Variants in GHR observed in about 807,000 individuals in gnomAD.
The protein encoded by GHR is GH receptor.
A neutral mutation model predicts 67.1 loss-of-function variants in GHR; 35 were observed. The observed-to-expected ratio is 0.52, with a 90% CI of 0.40 to 0.69. The LOEUF (loss-of-function observed/expected upper bound fraction) is 0.69, where lower values mean the gene tolerates loss of function less well. GHR is among the 30% of genes least tolerant of loss of function. GHR has a pLI of 0.00. For missense variants in GHR, 792 were observed against 764.6 expected, an observed-to-expected ratio of 1.04 and a Z score of -0.42; for synonymous variants, 272 against 269.1, an observed-to-expected ratio of 1.01 and a Z score of -0.10.
chr5:42,645,602 T>C (rs1754690650), intron 3 of GHR, among the ~76,000 whole-genome samples: 1 of 152,246 alleles, frequency 6.6e-6, no homozygotes, highest in Admixed American at 6.5e-5. Flanking sequence ...CAAGCTTGTG[T>C]ATACAGGCCC....
chr5:42,658,236 A>T (rs1755363012), intron 3 of GHR, among the ~76,000 whole-genome samples: 1 of 152,218 alleles, frequency 6.6e-6, no homozygotes, highest in African/African-American at 2.4e-5. Context: ...GAAAATCCAA[A>T]TAAAACTGAA....
chr5:42,700,313 TA>T (rs1757873479), intron 6 of GHR, among the ~76,000 whole-genome samples: 1 of 152,166 alleles, frequency 6.6e-6, no homozygotes, highest in Admixed American at 6.5e-5. Flanking sequence ...GGGATGTGGA[TA>T]AAAATGGGAA....
intron 1 of GHR, among the ~76,000 whole-genome samples, chr5:42,450,364 A>T (rs1047829928): frequency 1.5e-4 from 23 of 152,094 alleles, no homozygotes; most frequent in African/African-American, 4.8e-4. Context: ...AGGGTTGTAT[A>T]TTTGCAGGAA....
At chr5:42,683,951 T>C (rs1757013386) in intron 3 of GHR, among the ~76,000 whole-genome samples, 1 of 151,720 alleles carries the variant, frequency 6.6e-6, no homozygotes, top group Non-Finnish European at 1.5e-5. Flanking sequence ...AGATTAGTTA[T>C]TTTTTCTTTT....
chr5:42,447,224 A>G (rs944548719), intron 1 of GHR, among the ~76,000 whole-genome samples: 1 of 152,108 alleles, frequency 6.6e-6, no homozygotes, highest in African/African-American at 2.4e-5. Context: ...GGTGATGTCT[A>G]AGATTGTGGT....
chr5:42,615,726 GAAAAAAACAAAAAACA>G (rs960774270), intron 2 of GHR, among the ~76,000 whole-genome samples: 1 of 127,308 alleles, frequency 7.9e-6, no homozygotes, highest in African/African-American at 3.4e-5. Flanking sequence ...TAGAAATTTG[GAAAAAAACAAAAAACA>G]AAAAAAAAAA....
chr5:42,463,992 CAAAAAAAAAA>C (rs70991406), intron 1 of GHR, among the ~76,000 whole-genome samples: 2 of 46,522 alleles, frequency 4.3e-5, no homozygotes, highest in Non-Finnish European at 7.3e-5. Flanking sequence ...GACTCCGTCT[CAAAAAAAAAA>C]AAAAAAAAAA....
intron 1 of GHR, among the ~76,000 whole-genome samples, chr5:42,480,736 C>G (rs1388769597): frequency 1.3e-5 from 2 of 152,136 alleles, no homozygotes; most frequent in Non-Finnish European, 2.9e-5. Context: ...TTTCCATTTG[C>G]TTGGTAGATC....
At chr5:42,688,785 T>G (rs1428383429) in intron 3 of GHR, 105 bp from the exon 4 acceptor site, 9 of 1,054,168 alleles carry the variant, frequency 8.5e-6, no homozygotes, top group Non-Finnish European at 1.3e-5. Flanking sequence ...CGGAATACAC[T>G]GGCTTCATCC....
chr5:42,601,313 A>G (rs1752367698), intron 2 of GHR, among the ~76,000 whole-genome samples: 1 of 151,736 alleles, frequency 6.6e-6, no homozygotes, highest in Non-Finnish European at 1.5e-5. Context: ...CAAACCTATA[A>G]CTCTATTTTG....
chr5:42,494,869 T>C (rs1052246546), intron 1 of GHR, among the ~76,000 whole-genome samples: 1 of 152,172 alleles, frequency 6.6e-6, no homozygotes, highest in African/African-American at 2.4e-5. Flanking sequence ...TAGTTCTTTT[T>C]GGTGAGCTAC....
At chr5:42,576,119 A>AAAAT (rs1554021439) in intron 2 of GHR, among the ~76,000 whole-genome samples, 3 of 102,582 alleles carry the variant, frequency 2.9e-5, no homozygotes, top group Non-Finnish European at 6.0e-5. Context: ...AAAATAAAAT[A>AAAAT]AAATAAAATA....
At chr5:42,461,658 A>T (rs1435000068) in intron 1 of GHR, among the ~76,000 whole-genome samples, 1 of 152,242 alleles carries the variant, frequency 6.6e-6, no homozygotes, top group Non-Finnish European at 1.5e-5. Flanking sequence ...TGGCTGTTTC[A>T]TAAATGTTTA....
chr5:42,585,705 A>G (rs1309220991), intron 2 of GHR, among the ~76,000 whole-genome samples: 1 of 152,198 alleles, frequency 6.6e-6, no homozygotes, highest in East Asian at 1.9e-4. Flanking sequence ...ATTCCAAGGA[A>G]TATTTTTATT....
chr5:42,619,223 T>C (rs1335759959), intron 2 of GHR, among the ~76,000 whole-genome samples: 3 of 152,002 alleles, frequency 2.0e-5, no homozygotes, highest in African/African-American at 7.2e-5. Context: ...AGTTCATAAG[T>C]TTATTTCCAG....
At chr5:42,561,512 T>G (rs1042730998) in intron 1 of GHR, among the ~76,000 whole-genome samples, 1 of 152,238 alleles carries the variant, frequency 6.6e-6, no homozygotes, top group Non-Finnish European at 1.5e-5. Flanking sequence ...CATGTGTTTA[T>G]GAACTGTTTT....
intron 2 of GHR, among the ~76,000 whole-genome samples, chr5:42,578,636 T>G (rs1460093026): frequency 6.6e-6 from 1 of 152,180 alleles, no homozygotes; most frequent in African/African-American, 2.4e-5. Context: ...TAACAGGAAT[T>G]ACCAATTAAC....
chr5:42,714,865 G>A (rs1321932788), intron 8 of GHR, among the ~76,000 whole-genome samples: 2 of 152,004 alleles, frequency 1.3e-5, no homozygotes, highest in Non-Finnish European at 2.9e-5. Flanking sequence ...TATATATTTG[G>A]TGGGAAAATT....
chr5:42,480,264 A>G (rs531379534), intron 1 of GHR, among the ~76,000 whole-genome samples: 26 of 152,204 alleles, frequency 1.7e-4, no homozygotes, highest in Non-Finnish European at 3.2e-4. Flanking sequence ...GTTTGTTATA[A>G]TTTCTGTTCT....
Sources: gnomAD v4.1 joint callset for allele counts (sites outside exome capture counted in the v4.1 genomes callset) on GRCh38, gnomAD v4.1.1 for gene constraint, MANE v1.5 for transcripts, NCBI Gene and HGNC (gene_info 2026-07-23, HGNC 2026-07-21) for gene names.